Variants in GOLGA3 observed in about 807,000 individuals in gnomAD.
GOLGA3 encodes the protein golgin A3, also known as golgin subfamily A member 3.
A neutral mutation model predicts 169.4 loss-of-function variants in GOLGA3; 75 were observed. The ratio of observed to expected loss-of-function variants is 0.44; its 90% CI spans 0.37 to 0.54. The LOEUF is 0.54. Among genes scored for constraint, GOLGA3 ranks in the 20% least tolerant of loss-of-function variants. The probability of loss-of-function intolerance (pLI) is 0.00; values close to 1 mark genes in which losing one functional copy is unlikely to be tolerated. For synonymous variants in GOLGA3, 824 were observed against 822.4 expected (o/e 1.00, Z -0.03); for missense variants, 1,899 against 1,930.0 (o/e 0.98, Z 0.30).
At position 132,773,157 on chromosome 12, in the gene GOLGA3, T is replaced by A. The variant is rs747258920; in HGVS notation, c.4445A>T (p.Asp1482Val). The A allele has an allele frequency of 2.5e-6, 4 of 1,584,232 alleles. No individual in the cohort carries two copies. The highest frequency in any genetic ancestry group is 2.7e-5 in the African/African-American group (2 of 73,942). ...CCTGCTCTGACTGTGTCTCTGTGGG[T>A]CGCCGCGTGGGCCGGCGTGACCCCC... is the stretch of plus-strand genomic sequence containing the variant. ...PPGGHAGPRG[D>V]PQRHSQSRAS... Residue 1482 changes from aspartate to valine, a missense_variant, in exon 24 of 24, where the codon GAC becomes GTC. Transcript: ENST00000450791.
chr12:132,816,960 G>A (rs754720664), intron 2 of GOLGA3, 148 bp from the exon 3 acceptor site: 2 of 786,852 alleles, frequency 2.5e-6, no homozygotes, highest in East Asian at 2.7e-5. Context: ...TCTGAGAGGA[G>A]CAGCCCATGG....
intron 9 of GOLGA3, among the ~76,000 whole-genome samples, chr12:132,797,032 G>A (rs1221463588): frequency 6.6e-6 from 1 of 152,254 alleles, no homozygotes; most frequent in Non-Finnish European, 1.5e-5. Context: ...GCGGTGCTTG[G>A]TGCTACCGGG....
intron 3 of GOLGA3, 113 bp from the exon 4 acceptor site, chr12:132,813,532 C>T: frequency 1.7e-6 from 1 of 587,564 alleles, no homozygotes. Context: ...TACACCTAAA[C>T]AATGCACAGC....
In GOLGA3 at chr12:132,777,686, C is replaced by G. The variant is rs779613409; in HGVS notation, c.3702G>C (p.Gln1234His). 3.1e-6 allele frequency: 5 copies of G among 1,614,020 alleles called. No individual in the cohort carries two copies. The African/African-American group carries it at 6.7e-5, about 22-fold the overall frequency. Residue 1234 changes from glutamine to histidine, a missense_variant, in exon 19 of 24, where the codon CAG becomes CAC. Physicochemically the swap from Gln to His is conservative, Grantham distance 24. Transcript: ENST00000450791. The surrounding 1 kb of genome is among the most constrained non-coding windows in gnomAD (Gnocchi z 4.7). ...CTCACTGAAGGTCGTCGGCCTCGGC[C>G]TGCAGCTTCTGCACCAGGTGTTCCT... ...QAKEHLVQKL[Q>H]AEADDLQIRE...
chr12:132,781,059 C>T, intron 17 of GOLGA3, 145 bp from the exon 18 acceptor site: 1 of 648,782 alleles, frequency 1.5e-6, no homozygotes, highest in South Asian at 1.8e-5. Context: ...GAATCTGTGA[C>T]AAAAACAGAA....
chr12:132,783,869 C>A, intron 16 of GOLGA3: 1 of 1,423,066 alleles, frequency 7.0e-7, no homozygotes, highest in Non-Finnish European at 9.1e-7. Flanking sequence ...AGCCACTCGC[C>A]TGGCGAAGTT....
At chr12:132,821,853 CAAAAAAA>C (rs11301977) in intron 2 of GOLGA3, 136 bp downstream of exon 2, 30 of 393,716 alleles carry the variant, frequency 7.6e-5, no homozygotes, top group African/African-American at 3.6e-4. Context: ...GACTCCGTCT[CAAAAAAA>C]AAAAAAAAAA....
rs1481751731 is a variant in GOLGA3 at position 132,769,960 on chromosome 12, G to A, written c.*3145C>T. ...ATTTAAAAATCCAACTGCAGCCGGGGGCGGTGGTTCACGCCTATAATTCCA... is the reference window on the plus strand; with the variant it reads ...ATTTAAAAATCCAACTGCAGCCGGGAGCGGTGGTTCACGCCTATAATTCCA... On this transcript the variant is annotated 3_prime_UTR_variant, in exon 24 of 24. Coordinates refer to ENST00000450791, the MANE Select transcript of GOLGA3 (RefSeq NM_001389683.1). 1 of 152,130 alleles carries A rather than the reference G, an allele frequency of 6.6e-6. No homozygotes were observed. The highest frequency in any genetic ancestry group is 1.5e-5 in the Non-Finnish European group (1 of 68,018). 9.4% of individuals were successfully genotyped at this position (152,130 alleles called of 1,614,324 possible).
At chr12:132,780,333 G>T (rs1161381508) in intron 18 of GOLGA3, among the ~76,000 whole-genome samples, 1 of 152,194 alleles carries the variant, frequency 6.6e-6, no homozygotes, top group Non-Finnish European at 1.5e-5. Flanking sequence ...GGCCCAGACA[G>T]GGCACCTGGG....
intron 3 of GOLGA3, among the ~76,000 whole-genome samples, chr12:132,814,641 C>A (rs1180647989): frequency 6.6e-6 from 1 of 152,226 alleles, no homozygotes; most frequent in African/African-American, 2.4e-5. Context: ...TGGCGGTACT[C>A]AAATGGCTGA....
chr12:132,774,777 TG>T, intron 22 of GOLGA3: 1 of 447,092 alleles, frequency 2.2e-6, no homozygotes, highest in Non-Finnish European at 3.9e-6. Flanking sequence ...ACCTGCCTCC[TG>T]GAAAACATGG....
At chr12:132,799,493 T>G (rs1246343880) in intron 8 of GOLGA3, among the ~76,000 whole-genome samples, 3 of 152,236 alleles carry the variant, frequency 2.0e-5, no homozygotes, top group Middle Eastern at 3.4e-3. Context: ...TTTAAACAAT[T>G]AGCCAGGTGT....
In GOLGA3 at chr12:132,804,919, G is replaced by A. The variant is rs765540850; in HGVS notation, c.1394C>T (p.Ser465Leu). ...CAGGGTGTCCACCTCCGAGCTCAGC[G>A]AATCCTGCCGCTGCTGGCTGCTGTG... Reference protein sequence around the residue: ...CSHSSQQRQDSLSSEVDTLKQ... With the variant: ...CSHSSQQRQDLLSSEVDTLKQ... Residue 465 changes from serine (S) to leucine (L), a missense_variant, in exon 7 of 24, where the codon TCG becomes TTG. Transcript: ENST00000450791. This position sits in a 1 kb window ranked among gnomAD's most constrained non-coding sequence, Gnocchi z 4.1. 7 of 1,613,648 alleles carry A rather than the reference G, an allele frequency of 4.3e-6. No individual in the cohort carries two copies. The highest frequency in any genetic ancestry group is 1.7e-5 in the Admixed American group (1 of 60,008).
chr12:132,773,857 C>T (rs1373854482), intron 23 of GOLGA3, among the ~76,000 whole-genome samples: 1 of 104,792 alleles, frequency 9.5e-6, no homozygotes, highest in African/African-American at 3.9e-5. Context: ...TTTATATAAA[C>T]CGCAGAGGCT....
chr12:132,788,206 G>A (rs956303346), intron 13 of GOLGA3, among the ~76,000 whole-genome samples: 1 of 151,996 alleles, frequency 6.6e-6, no homozygotes, highest in African/African-American at 2.4e-5. Flanking sequence ...CGGCCACACC[G>A]CCTACTCACA....
chr12:132,828,622 C>A (rs2136868519), intron 1 of GOLGA3, 181 bp downstream of exon 1: 1 of 152,392 alleles, frequency 6.6e-6, no homozygotes, highest in African/African-American at 2.4e-5. Context: ...AAGGCGGGCG[C>A]CCAGGCCCGA....
chr12:132,820,183 A>G (rs1950150411), intron 2 of GOLGA3, among the ~76,000 whole-genome samples: 1 of 152,092 alleles, frequency 6.6e-6, no homozygotes, highest in African/African-American at 2.4e-5. Flanking sequence ...TCTCAAAAAA[A>G]AAAAAATCAG....
At chr12:132,813,794 G>A (rs1297539189) in intron 3 of GOLGA3, among the ~76,000 whole-genome samples, 24 of 149,034 alleles carry the variant, frequency 1.6e-4, no homozygotes, top group African/African-American at 5.0e-4. Context: ...GCATGATCTC[G>A]GCTCACAGCA....
At position 132,772,077 on chromosome 12, in the gene GOLGA3, G is replaced by A. The variant is rs769043939; in HGVS notation, c.*1028C>T. ...AACAAAGTAAAACCAGAACAACAGA[G>A]GACCTTTCTGTGTAAGAATATTTGG... On this transcript the variant is annotated 3_prime_UTR_variant, in exon 24 of 24. Transcript: ENST00000450791. The A allele has an allele frequency of 2.0e-5, 3 of 152,168 alleles. No individual in the cohort carries two copies. Among genetic ancestry groups the A allele is most frequent in the African/African-American group, 7.2e-5 (3 of 41,424 alleles). The allele number at this position is 152,168 out of a possible 1,614,324, so 9.4% of individuals were successfully genotyped here.
Sources: gnomAD v4.1 joint callset for allele counts (sites outside exome capture counted in the v4.1 genomes callset) on GRCh38, gnomAD v4.1.1 for gene constraint, Gnocchi (gnomAD v3.1) non-coding constraint, MANE v1.5 for transcripts, NCBI Gene and HGNC (gene_info 2026-07-23, HGNC 2026-07-21) for gene names.